CLIP2: variants seen among roughly 807,000 people sequenced by gnomAD.
CLIP2 encodes CAP-Gly domain containing linker protein 2, also known as CAP-Gly domain-containing linker protein 2.
Under a neutral mutation model 111.7 loss-of-function variants are expected in CLIP2, and 41 were observed. That is an observed-to-expected ratio of 0.37 (90% CI 0.29 to 0.48). The LOEUF is 0.48. Ranked by LOEUF, CLIP2 falls within the 20% of genes least tolerant of loss-of-function variation. The probability of loss-of-function intolerance (pLI) is 0.99; values close to 1 mark genes in which losing one functional copy is unlikely to be tolerated. For synonymous variants in CLIP2, 660 were observed against 644.2 expected, an observed-to-expected ratio of 1.02 and a Z score of -0.37; for missense variants, 1,160 against 1,422.1, an observed-to-expected ratio of 0.82 and a Z score of 2.96.
chr7:74,384,593 G>A (rs1791033717), intron 11 of CLIP2, among the ~76,000 whole-genome samples: 1 of 151,538 alleles, frequency 6.6e-6, no homozygotes, highest in African/African-American at 2.4e-5. Flanking sequence ...TTAAAGGTGT[G>A]CGCCATCACG....
rs782220949 is a variant in CLIP2 at position 74,361,811 on chromosome 7, G to A, written c.1319+1533G>A. 2.8e-4 allele frequency among the ~76,000 whole-genome samples: 42 copies of A among 152,266 alleles called. 1 individual carries two copies. The highest frequency in any genetic ancestry group is 3.4e-3 in the Middle Eastern group (1 of 294). The stretch of plus-strand genomic sequence containing the variant: ...TGCTGTGTGCTTCGCTGGTGTCATC[G>A]CTTTCAAGGCCAGATGCAGTGGTTC... On this transcript the variant is annotated intron_variant, in intron 7 of 16. Coordinates refer to ENST00000223398, the MANE Select transcript of CLIP2 (RefSeq NM_003388.5).
intron 11 of CLIP2, among the ~76,000 whole-genome samples, chr7:74,386,029 A>G (rs1554314709): frequency 7.1e-6 from 1 of 141,040 alleles, no homozygotes; most frequent in African/African-American, 2.6e-5. Context: ...GGCATGAGCC[A>G]CCTCGCCCAG....
At chr7:74,322,548 C>A (rs557924618) in intron 2 of CLIP2, among the ~76,000 whole-genome samples, 2 of 152,138 alleles carry the variant, frequency 1.3e-5, no homozygotes, top group African/African-American at 4.8e-5. Flanking sequence ...TGCACTCCAG[C>A]CTGGGCAACA....
chr7:74,373,656 G>A (rs782262096), intron 9 of CLIP2, among the ~76,000 whole-genome samples: 1 of 152,072 alleles, frequency 6.6e-6, no homozygotes, highest in African/African-American at 2.4e-5. Context: ...CAGTCTCCCC[G>A]ATGCATTGCC....
intron 8 of CLIP2, among the ~76,000 whole-genome samples, chr7:74,369,029 G>A (rs1296229864): frequency 6.6e-6 from 1 of 152,202 alleles, no homozygotes; most frequent in African/African-American, 2.4e-5. Context: ...AGTCTGGGCA[G>A]CATAGTGAGA....
chr7:74,313,453 G>A (rs1788692330), intron 1 of CLIP2, among the ~76,000 whole-genome samples: 1 of 151,900 alleles, frequency 6.6e-6, no homozygotes, highest in African/African-American at 2.4e-5. Context: ...CCAGTTACTC[G>A]GGAGGCTGAG....
intron 6 of CLIP2, among the ~76,000 whole-genome samples, chr7:74,359,730 C>T (rs777307307): frequency 1.4e-4 from 22 of 152,154 alleles, no homozygotes; most frequent in Non-Finnish European, 2.9e-4. Context: ...AGCCTTGGGG[C>T]TGCTGCTATC....
rs12056118 is a variant in CLIP2, at chr7:74,369,986, C to T, written c.1381-2946C>T. ...CAGCCTGGCTAACATGGCGAAACCC[C>T]ATCTCTACTAAAAATACAAAAATTA... On this transcript the variant is annotated intron_variant, in intron 8 of 16. Transcript: ENST00000223398. Among the ~76,000 whole-genome samples, 23 of 74,452 alleles carry T rather than the reference C, an allele frequency of 3.1e-4. 3 individuals carry two copies. The highest frequency in any genetic ancestry group is 8.0e-4 in the East Asian group (2 of 2,494). 48.8% of individuals were successfully genotyped at this position (74,452 alleles called of 152,430 possible). A position where few individuals can be genotyped will look rare whatever the true frequency, so the allele number is the denominator to read the frequency against.
At chr7:74,348,789 C>A (rs1239193898) in intron 3 of CLIP2, among the ~76,000 whole-genome samples, 592 of 108,154 alleles carry the variant, frequency 5.5e-3, no homozygotes, top group African/African-American at 7.0e-3. Context: ...GACTCTGTCT[C>A]AAAAAAAAAA....
chr7:74,317,520 C>T lies in CLIP2; in HGVS notation c.-27C>T, dbSNP rs201435957. 1.4e-6 allele frequency: 2 copies of T among 1,397,828 alleles called. No individual in the cohort carries two copies. The highest frequency in any genetic ancestry group is 1.9e-6 in the Non-Finnish European group (2 of 1,066,018). The allele number at this position is 1,397,828 out of a possible 1,614,324, so 86.6% of individuals were successfully genotyped here. A position where few individuals can be genotyped will look rare whatever the true frequency, so the allele number is the denominator to read the frequency against. ...AGAGAGGACGTGACCAGCACTCACCCTTGTCCACCTGCCCAGTGGCACCGC... is the reference window on the plus strand; with the variant it reads ...AGAGAGGACGTGACCAGCACTCACCTTTGTCCACCTGCCCAGTGGCACCGC... On this transcript the variant is annotated 5_prime_UTR_variant, in exon 2 of 17. Coordinates refer to ENST00000223398, the MANE Select transcript of CLIP2 (RefSeq NM_003388.5).
intron 2 of CLIP2, among the ~76,000 whole-genome samples, chr7:74,328,976 G>A (rs899497128): frequency 8.2e-4 from 123 of 150,652 alleles, no homozygotes; most frequent in African/African-American, 2.8e-3. Flanking sequence ...GCAGTGGTGC[G>A]ATCTCAGCTC....
intron 3 of CLIP2, among the ~76,000 whole-genome samples, chr7:74,343,898 G>A (rs2116573586): frequency 6.6e-6 from 1 of 151,808 alleles, no homozygotes; most frequent in South Asian, 2.1e-4. Context: ...GTGAGACGCT[G>A]TCTTAAAAAA....
chr7:74,306,762 G>A (rs1383374529), intron 1 of CLIP2, among the ~76,000 whole-genome samples: 1 of 152,166 alleles, frequency 6.6e-6, no homozygotes, highest in African/African-American at 2.4e-5. Context: ...TCCCCTTCCC[G>A]AGCAGCCGGG....
In CLIP2 at chr7:74,357,298, C is replaced by T. The variant is rs538503335; in HGVS notation, c.1036C>T (p.Arg346Cys). 11 of 1,613,964 alleles carry T rather than the reference C, an allele frequency of 6.8e-6. No homozygotes were observed. Among genetic ancestry groups the T allele is most frequent in the Non-Finnish European group, 9.3e-6 (11 of 1,179,876 alleles). The change falls in exon 6 of 17, where the codon CGC becomes TGC. Residue 346 changes from arginine (R) to cysteine (C), a missense_variant. Arg to Cys is a radical substitution (Grantham distance 180, BLOSUM62 -3). Coordinates refer to ENST00000223398, the MANE Select transcript of CLIP2 (RefSeq NM_003388.5). ...RSGLLTETSS[R>C]YARKISGTTA... ...CCTGCAGCTCACGGAGACCTCTTCA[C>T]GCTACGCCCGCAAGATCTCGGGCAC... is the stretch of plus-strand genomic sequence containing the variant.
intron 8 of CLIP2, chr7:74,364,988 T>G: frequency 2.4e-6 from 1 of 408,854 alleles, no homozygotes; most frequent in Non-Finnish European, 4.9e-6. Flanking sequence ...TGCGCCTGTT[T>G]TTTGTTGTGT....
chr7:74,307,173 G>A (rs1462646906), intron 1 of CLIP2, among the ~76,000 whole-genome samples: 6 of 152,322 alleles, frequency 3.9e-5, no homozygotes, highest in African/African-American at 1.4e-4. Flanking sequence ...GGCCGGGCCT[G>A]ACTGAATGCC....
intron 15 of CLIP2, among the ~76,000 whole-genome samples, chr7:74,401,297 A>G (rs984581879): frequency 2.0e-5 from 3 of 152,200 alleles, no homozygotes; most frequent in African/African-American, 7.2e-5. Context: ...CAAGGGGCAC[A>G]TGGCTTTGCC....
chr7:74,301,976 G>C (rs1184747299), intron 1 of CLIP2, among the ~76,000 whole-genome samples: 1 of 152,088 alleles, frequency 6.6e-6, no homozygotes, highest in Admixed American at 6.6e-5. Context: ...ACCTCCCAAA[G>C]TGCTGGGATT....
rs1170985729 is a variant in CLIP2, at chr7:74,353,989, C to T, written c.788C>T (p.Ala263Val). The T allele has an allele frequency of 1.3e-5, 21 of 1,612,390 alleles. No homozygotes were observed. Among genetic ancestry groups the T allele is most frequent in the East Asian group, 2.2e-5 (1 of 44,850 alleles). ...LDEPLGKNDG[A>V]VAGTRYFQCP... Reference sequence around the variant, plus strand: ...GAGCCCCTTGGGAAGAATGATGGGGCGGTGGCGGGCACCAGGTATGGTGGG... The same window carrying T: ...GAGCCCCTTGGGAAGAATGATGGGGTGGTGGCGGGCACCAGGTATGGTGGG... The change falls in exon 4 of 17, where the codon GCG becomes GTG. Residue 263 changes from alanine (A) to valine (V), a missense_variant. By Grantham distance (64) the Ala-to-Val change is moderately conservative (BLOSUM62 0). Around this residue, in one of 5 missense-constraint regions of CLIP2, gnomAD observed 110 missense variants for 185.2 expected, o/e 0.59. Transcript: ENST00000223398.
Sources: gnomAD v4.1 joint callset for allele counts (sites outside exome capture counted in the v4.1 genomes callset) on GRCh38, gnomAD v4.1.1 for gene constraint, gnomAD v4.1.1 regional missense constraint, MANE v1.5 for transcripts, NCBI Gene and HGNC (gene_info 2026-07-23, HGNC 2026-07-21) for gene names.